TMEM170B: variants seen among roughly 807,000 people sequenced by gnomAD.
The protein encoded by TMEM170B is transmembrane protein 170B.
In TMEM170B, 6 loss-of-function variants were observed where a neutral mutation model predicts 13.0. The observed-to-expected ratio is 0.46, with a 90% CI of 0.25 to 0.91. The LOEUF (loss-of-function observed/expected upper bound fraction) is 0.91, where lower values mean the gene tolerates loss of function less well. TMEM170B is among the 40% of genes least tolerant of loss of function. TMEM170B has a pLI of 0.17. For synonymous variants in TMEM170B, 61 were observed against 64.9 expected (o/e 0.94, Z 0.29); for missense variants, 138 against 165.2 (o/e 0.84, Z 0.90).
chr6:11,548,703 G>T (rs1171853185), intron 1 of TMEM170B, among the ~76,000 whole-genome samples: 5 of 152,168 alleles, frequency 3.3e-5, no homozygotes, highest in African/African-American at 9.7e-5. Flanking sequence ...ACTGGATTAA[G>T]AAAATGTGGC....
At chr6:11,546,528 A>G (rs1759443207) in intron 1 of TMEM170B, among the ~76,000 whole-genome samples, 1 of 152,186 alleles carries the variant, frequency 6.6e-6, no homozygotes, top group Non-Finnish European at 1.5e-5. Context: ...ATTCACTCAC[A>G]GTTTCACCTG....
intron 1 of TMEM170B, among the ~76,000 whole-genome samples, chr6:11,544,754 A>G (rs889200873): frequency 6.6e-6 from 1 of 152,194 alleles, no homozygotes; most frequent in African/African-American, 2.4e-5. Flanking sequence ...TGTGTTTTTC[A>G]CAGGATTCCT....
chr6:11,545,665 A>G (rs965304180), intron 1 of TMEM170B, among the ~76,000 whole-genome samples: 1 of 152,036 alleles, frequency 6.6e-6, no homozygotes, highest in Non-Finnish European at 1.5e-5. Flanking sequence ...CTTGATAACA[A>G]CTGTGTTACT....
At position 11,580,795 on chromosome 6, in the gene TMEM170B, T is replaced by C. The variant is rs1348190226; in HGVS notation, c.*5234T>C. Reference sequence around the variant, plus strand: ...TTGACAAAGCGCCCTACATCCTGTGTTTTGTTAGGACTAGAAACTATACTG... The same window carrying C: ...TTGACAAAGCGCCCTACATCCTGTGCTTTGTTAGGACTAGAAACTATACTG... On this transcript the variant is annotated 3_prime_UTR_variant, in exon 3 of 3. Transcript: ENST00000379426. 5 of 152,164 alleles carry C rather than the reference T, an allele frequency of 3.3e-5. No individual in the cohort carries two copies. Among genetic ancestry groups the C allele is most frequent in the Admixed American group, 2.0e-4 (3 of 15,280 alleles). The allele number at this position is 152,164 out of a possible 1,614,324, so 9.4% of individuals were successfully genotyped here.
At position 11,582,495 on chromosome 6, in the gene TMEM170B, C is replaced by T. The variant is rs1016082280; in HGVS notation, c.*6934C>T. 2.0e-5 allele frequency: 3 copies of T among 151,280 alleles called. No homozygotes were observed. The highest frequency in any genetic ancestry group is 7.3e-5 in the African/African-American group (3 of 41,288). The allele number at this position is 151,280 out of a possible 1,614,324, so 9.4% of individuals were successfully genotyped here. ...TCAGTTACTTAGTCATTGACTGTGA[C>T]AGATGACAGCTACTTTCACTATATT... On this transcript the variant is annotated 3_prime_UTR_variant, in exon 3 of 3. Transcript: ENST00000379426.
At chr6:11,565,962 A>G in intron 2 of TMEM170B, 126 bp downstream of exon 2, 2 of 827,090 alleles carry the variant, frequency 2.4e-6, no homozygotes, top group South Asian at 3.2e-5. Context: ...AACACTTAAC[A>G]CACTCCATCT....
intron 2 of TMEM170B, among the ~76,000 whole-genome samples, chr6:11,570,092 T>C (rs775540601): frequency 6.6e-6 from 1 of 152,112 alleles, no homozygotes; most frequent in Non-Finnish European, 1.5e-5. Context: ...TAACTGAATA[T>C]AGAGGATAAT....
chr6:11,549,170 C>T (rs907804728), intron 1 of TMEM170B, among the ~76,000 whole-genome samples: 2 of 152,104 alleles, frequency 1.3e-5, no homozygotes, highest in Non-Finnish European at 2.9e-5. Flanking sequence ...CTACTGATGG[C>T]TATATTTATT....
intron 2 of TMEM170B, among the ~76,000 whole-genome samples, chr6:11,572,846 G>T (rs1231952793): frequency 2.0e-5 from 3 of 152,042 alleles, no homozygotes; most frequent in Non-Finnish European, 4.4e-5. Flanking sequence ...TAGAGAATAT[G>T]TATTGTTTTA....
At chr6:11,546,263 A>G (rs6919910) in intron 1 of TMEM170B, among the ~76,000 whole-genome samples, 74,361 of 151,604 alleles carry the variant, frequency 0.49, 19,172 homozygotes, top group Admixed American at 0.62. Context: ...TTAATTTTAG[A>G]AGTAGAAAAA....
At chr6:11,565,865 G>A (rs1759725610) in intron 2 of TMEM170B, 29 bp downstream of exon 2, 1 of 1,611,326 alleles carries the variant, frequency 6.2e-7, no homozygotes, top group Non-Finnish European at 8.5e-7. Flanking sequence ...GTCTGAGGAT[G>A]TAAGTTTGTA....
rs1759867125 is a variant in TMEM170B at position 11,575,802 on chromosome 6, A to C, written c.*241A>C. 4 of 337,710 alleles carry C rather than the reference A, an allele frequency of 1.2e-5. No individual in the cohort carries two copies. The highest frequency in any genetic ancestry group is 2.2e-5 in the Non-Finnish European group (4 of 184,202). The allele number at this position is 337,710 out of a possible 1,614,324, so 20.9% of individuals were successfully genotyped here. ...GTGCATTAAGACACTATGTAAAGTT[A>C]CAAGAAAAAGCACCTTGTTTAGCTG... On this transcript the variant is annotated 3_prime_UTR_variant, in exon 3 of 3. Coordinates refer to ENST00000379426, the MANE Select transcript of TMEM170B (RefSeq NM_001100829.3). This position sits in a 1 kb window ranked among gnomAD's most constrained non-coding sequence, Gnocchi z 4.1.
Position 11,538,276 on chromosome 6 carries a change from A to C in TMEM170B, c.-2A>C. ...GAGGGCGGCGGGCGCCCCTCGGGGAAGATGAAGGCGGAGGGGGGCGACCAC... is the reference window on the plus strand; with the variant it reads ...GAGGGCGGCGGGCGCCCCTCGGGGACGATGAAGGCGGAGGGGGGCGACCAC... On this transcript the variant is annotated 5_prime_UTR_variant, in exon 1 of 3. Coordinates refer to ENST00000379426, the MANE Select transcript of TMEM170B (RefSeq NM_001100829.3). 7.3e-6 allele frequency: 10 copies of C among 1,366,456 alleles called. No homozygotes were observed. Among genetic ancestry groups the C allele is most frequent in the Non-Finnish European group, 4.7e-6 (5 of 1,056,954 alleles). The allele number at this position is 1,366,456 out of a possible 1,614,324, so 84.6% of individuals were successfully genotyped here.
At chr6:11,540,210 A>G (rs1409562809) in intron 1 of TMEM170B, among the ~76,000 whole-genome samples, 1 of 152,222 alleles carries the variant, frequency 6.6e-6, no homozygotes, top group South Asian at 2.1e-4. Flanking sequence ...GAAGTTTGCC[A>G]CTAAGGAAGA....
Position 11,578,616 on chromosome 6 carries a change from A to G in TMEM170B, c.*3055A>G, listed in dbSNP as rs1444743596. 1 of 152,202 alleles carries G rather than the reference A, an allele frequency of 6.6e-6. No individual in the cohort carries two copies. Among genetic ancestry groups the G allele is most frequent in the African/African-American group, 2.4e-5 (1 of 41,456 alleles). 9.4% of individuals were successfully genotyped at this position (152,202 alleles called of 1,614,324 possible). On this transcript the variant is annotated 3_prime_UTR_variant, in exon 3 of 3. Coordinates refer to ENST00000379426, the MANE Select transcript of TMEM170B (RefSeq NM_001100829.3). Reference sequence around the variant, plus strand: ...CCTTGCCTAGGATAAGTGAAGTCCTAAATGATGGCTATCTTCAGGGCCTGG... The same window carrying G: ...CCTTGCCTAGGATAAGTGAAGTCCTGAATGATGGCTATCTTCAGGGCCTGG...
chr6:11,577,736 A>G lies in TMEM170B; in HGVS notation c.*2175A>G, dbSNP rs562164764. 2 of 152,252 alleles carry G rather than the reference A, an allele frequency of 1.3e-5. No homozygotes were observed. The highest frequency in any genetic ancestry group is 2.4e-5 in the African/African-American group (1 of 41,578). 9.4% of individuals were successfully genotyped at this position (152,252 alleles called of 1,614,324 possible). A position where few individuals can be genotyped will look rare whatever the true frequency, so the allele number is the denominator to read the frequency against. On this transcript the variant is annotated 3_prime_UTR_variant, in exon 3 of 3. Coordinates refer to ENST00000379426, the MANE Select transcript of TMEM170B (RefSeq NM_001100829.3). The stretch of plus-strand genomic sequence containing the variant: ...TTACTCTAGAATGAAAGTATAATTG[A>G]ACGGTTAATAATTAGTTTGTAGAGT...
At chr6:11,539,003 C>T (rs529124895) in intron 1 of TMEM170B, among the ~76,000 whole-genome samples, 10 of 152,296 alleles carry the variant, frequency 6.6e-5, no homozygotes, top group Admixed American at 3.3e-4. Context: ...CCTCAGGCCT[C>T]CAGCTGCTGC....
rs2113787961 is a variant in TMEM170B, at chr6:11,577,615, T to C, written c.*2054T>C. 1 of 152,248 alleles carries C rather than the reference T, an allele frequency of 6.6e-6. No individual in the cohort carries two copies. The highest frequency in any genetic ancestry group is 1.5e-5 in the Non-Finnish European group (1 of 67,946). 9.4% of individuals were successfully genotyped at this position (152,248 alleles called of 1,614,324 possible). On this transcript the variant is annotated 3_prime_UTR_variant, in exon 3 of 3. Coordinates refer to ENST00000379426, the MANE Select transcript of TMEM170B (RefSeq NM_001100829.3). ...ATTTAAGAAAGTTATGGTAAAGTAA[T>C]ATGGAGCATGATTCATAATCCAAAA...
chr6:11,543,228 AC>A (rs1487948549), intron 1 of TMEM170B, among the ~76,000 whole-genome samples: 2 of 152,208 alleles, frequency 1.3e-5, no homozygotes, highest in Non-Finnish European at 2.9e-5. Context: ...GCATTATAGT[AC>A]CTGGCACGTA....
Sources: gnomAD v4.1 joint callset for allele counts (sites outside exome capture counted in the v4.1 genomes callset) on GRCh38, gnomAD v4.1.1 for gene constraint, Gnocchi (gnomAD v3.1) non-coding constraint, MANE v1.5 for transcripts, NCBI Gene and HGNC (gene_info 2026-07-23, HGNC 2026-07-21) for gene names.